The following PCDHA10 variants were observed in gnomAD, a reference collection of about 807,000 sequenced individuals.
PCDHA10 encodes protocadherin alpha 10, also known as protocadherin alpha-10.
PCDHA10 carries 45 observed loss-of-function variants against 61.2 expected under a neutral mutation model. That is an observed-to-expected ratio of 0.74 (90% confidence interval 0.58 to 0.94). PCDHA10 has a LOEUF of 0.94. PCDHA10 is among the 40% of genes least tolerant of loss of function. The pLI, the probability that PCDHA10 is intolerant of heterozygous loss-of-function variation, is 0.00. For synonymous variants in PCDHA10, 602 were observed against 548.8 expected, an observed-to-expected ratio of 1.10 and a Z score of -1.35; for missense variants, 1,278 against 1,236.2, an observed-to-expected ratio of 1.03 and a Z score of -0.51.
intron 1 of PCDHA10, chr5:140,871,311 C>A (rs782501180): frequency 6.2e-7 from 1 of 1,613,922 alleles, no homozygotes; most frequent in African/African-American, 1.3e-5. Flanking sequence ...CGGGGAAGCC[C>A]ACGCTGGTGT....
At chr5:140,876,207 C>A (rs251377) in intron 1 of PCDHA10, 776,282 of 1,613,510 alleles carry the variant, frequency 0.48, 188,573 homozygotes, top group South Asian at 0.57. Flanking sequence ...TTGATAAGCC[C>A]AGCTATAAAG....
chr5:140,947,401 G>A (rs1314695904), intron 1 of PCDHA10, among the ~76,000 whole-genome samples: 1 of 151,652 alleles, frequency 6.6e-6, no homozygotes, highest in Non-Finnish European at 1.5e-5. Flanking sequence ...AAAGTAGACT[G>A]TCTTGATATT....
At chr5:140,928,309 G>A (rs1554205732) in intron 1 of PCDHA10, 1 of 1,614,122 alleles carries the variant, frequency 6.2e-7, no homozygotes, top group Non-Finnish European at 8.5e-7. Context: ...CCAGGACCCC[G>A]ACCTGGGGAA....
At chr5:140,873,477 G>T (rs1351179000) in intron 1 of PCDHA10, among the ~76,000 whole-genome samples, 1 of 151,984 alleles carries the variant, frequency 6.6e-6, no homozygotes, top group Non-Finnish European at 1.5e-5. Flanking sequence ...AAATTACTTG[G>T]ACTGATTTCT....
intron 1 of PCDHA10, among the ~76,000 whole-genome samples, chr5:140,945,540 CA>C (rs1330025999): frequency 1.3e-5 from 2 of 151,706 alleles, no homozygotes; most frequent in African/African-American, 2.4e-5. Flanking sequence ...AACATACAAA[CA>C]AAAAAATGAA....
chr5:140,982,300 GCTT>G, intron 2 of PCDHA10, 172 bp from the exon 3 acceptor site: 2 of 1,204,624 alleles, frequency 1.7e-6, no homozygotes, highest in Non-Finnish European at 1.1e-6. Context: ...AGTCAGCAAT[GCTT>G]CTGCAGTTTA....
intron 1 of PCDHA10, among the ~76,000 whole-genome samples, chr5:140,911,559 C>T (rs2075532280): frequency 6.6e-6 from 1 of 152,168 alleles, no homozygotes; most frequent in Non-Finnish European, 1.5e-5. Flanking sequence ...CATTTTCTTT[C>T]ATCACTTTGT....
At chr5:140,921,131 C>T (rs532456439) in intron 1 of PCDHA10, among the ~76,000 whole-genome samples, 9 of 132,934 alleles carry the variant, frequency 6.8e-5, no homozygotes, top group Non-Finnish European at 1.1e-4. Context: ...CAGGTGCACA[C>T]CACTACACCC....
At chr5:141,002,555 A>T (rs1349538713) in intron 3 of PCDHA10, among the ~76,000 whole-genome samples, 1 of 152,222 alleles carries the variant, frequency 6.6e-6, no homozygotes, top group African/African-American at 2.4e-5. Flanking sequence ...CCCAGGATCC[A>T]CCAGTTAGTG....
intron 1 of PCDHA10, among the ~76,000 whole-genome samples, chr5:140,872,145 G>A (rs2053502547): frequency 6.6e-6 from 1 of 151,676 alleles, no homozygotes; most frequent in Non-Finnish European, 1.5e-5. Context: ...TACTCCATTA[G>A]TATGACATGA....
intron 3 of PCDHA10, among the ~76,000 whole-genome samples, chr5:140,999,965 T>C (rs1439660759): frequency 1.3e-5 from 2 of 151,684 alleles, no homozygotes; most frequent in African/African-American, 4.8e-5. Flanking sequence ...TACCCAGGAG[T>C]AGCAGCTCTA....
At chr5:140,948,979 G>T (rs2094330965) in intron 1 of PCDHA10, among the ~76,000 whole-genome samples, 1 of 151,514 alleles carries the variant, frequency 6.6e-6, no homozygotes, top group South Asian at 2.1e-4. Flanking sequence ...AGTATGAACT[G>T]CTTTATTTGC....
chr5:140,863,196 G>A (rs782500346), intron 1 of PCDHA10: 4 of 874,850 alleles, frequency 4.6e-6, no homozygotes, highest in Non-Finnish European at 7.2e-6. Flanking sequence ...TGGTGGCGTC[G>A]CTGGCGGAGA....
Position 140,943,601 on chromosome 5 carries a change from T to C in PCDHA10, c.2389-35348T>C, listed in dbSNP as rs148231077. ...TCTGAGTGGGGCTGAATTCTAAATA[T>C]AGACTTTGATTCATCTGCATAAGGA... On this transcript the variant is annotated intron_variant, in intron 1 of 3. Coordinates refer to ENST00000307360, the MANE Select transcript of PCDHA10 (RefSeq NM_018901.4). Among the ~76,000 whole-genome samples the C allele has an allele frequency of 1.9e-3, 291 of 152,290 alleles. 2 individuals carry two copies. The highest frequency in any genetic ancestry group is 6.6e-3 in the African/African-American group (276 of 41,566).
At chr5:140,884,833 C>A in intron 1 of PCDHA10, 2 of 916,632 alleles carry the variant, frequency 2.2e-6, no homozygotes, top group Non-Finnish European at 3.1e-6. Context: ...GTTGGATTAT[C>A]CTTCAGAGTG....
At position 140,858,087 on chromosome 5, in the gene PCDHA10, G is replaced by C. The variant is rs782702941; in HGVS notation, c.2039G>C (p.Arg680Pro). ...AGCCAGGCACCCAAGGCCTCGTCGC[G>C]GGCTTCAGTGGGCGTGGCGCCCGAG... Reference protein sequence around the residue: ...EGSQAPKASSRASVGVAPEVA... With the variant: ...EGSQAPKASSPASVGVAPEVA... The change falls in exon 1 of 4, where the codon CGG becomes CCG. Residue 680 changes from arginine to proline, a missense_variant. Arg to Pro is a moderately radical substitution (Grantham distance 103, BLOSUM62 -2). Transcript: ENST00000307360. The C allele has an allele frequency of 3.8e-6, 6 of 1,597,710 alleles. 1 individual carries two copies. Among genetic ancestry groups the C allele is most frequent in the Non-Finnish European group, 5.1e-6 (6 of 1,167,710 alleles).
intron 1 of PCDHA10, among the ~76,000 whole-genome samples, chr5:140,934,650 T>C (rs2089969846): frequency 6.6e-6 from 1 of 152,134 alleles, no homozygotes; most frequent in East Asian, 1.9e-4. Flanking sequence ...GATAAATGTT[T>C]GATTCTTCCC....
At chr5:140,892,592 C>T (rs1053889046) in intron 1 of PCDHA10, among the ~76,000 whole-genome samples, 2 of 152,214 alleles carry the variant, frequency 1.3e-5, no homozygotes, top group Admixed American at 6.5e-5. Context: ...TATTCATTCA[C>T]CTATTTTTTT....
intron 1 of PCDHA10, among the ~76,000 whole-genome samples, chr5:140,945,365 G>A (rs1458066318): frequency 6.6e-6 from 1 of 151,914 alleles, no homozygotes; most frequent in Non-Finnish European, 1.5e-5. Flanking sequence ...TGTTTAAAAT[G>A]TCCATATTAC....
Sources: gnomAD v4.1 joint callset for allele counts (sites outside exome capture counted in the v4.1 genomes callset) on GRCh38, gnomAD v4.1.1 for gene constraint, MANE v1.5 for transcripts, NCBI Gene and HGNC (gene_info 2026-07-23, HGNC 2026-07-21) for gene names.